The following FYB2 variants were observed in gnomAD, a reference collection of about 807,000 sequenced individuals.
FYB2 encodes FYN-binding protein 2.
Under a neutral mutation model 94.1 loss-of-function variants are expected in FYB2, and 103 were observed. The observed-to-expected ratio is 1.09, with a 90% CI of 0.93 to 1.29. The LOEUF (loss-of-function observed/expected upper bound fraction) is 1.29. Ranked by LOEUF, FYB2 falls within the 50% of genes most tolerant of loss-of-function variation. The pLI is 0.00. For synonymous variants in FYB2, 293 were observed against 287.9 expected (o/e 1.02, Z -0.18); for missense variants, 896 against 841.5 (o/e 1.06, Z -0.80).
At chr1:56,758,664 C>A in intron 6 of FYB2, 52 bp downstream of exon 6, 1 of 1,399,938 alleles carries the variant, frequency 7.1e-7, no homozygotes, top group East Asian at 2.4e-5. Flanking sequence ...TAGAATCAAC[C>A]TTGCATGCTT....
chr1:56,757,136 TG>T (rs1436423028), intron 6 of FYB2, among the ~76,000 whole-genome samples: 1 of 152,158 alleles, frequency 6.6e-6, no homozygotes, highest in Admixed American at 6.6e-5. Context: ...AATAATTGTA[TG>T]TTTTACTTAA....
rs200605296 is a variant in FYB2, at chr1:56,720,048, A to G, written c.2139T>C (p.Tyr713=). The G allele has an allele frequency of 2.5e-6, 4 of 1,601,964 alleles. No individual in the cohort carries two copies. Among genetic ancestry groups the G allele is most frequent in the Non-Finnish European group, 3.4e-6 (4 of 1,175,346 alleles). The change falls in exon 19 of 20, where the codon TAT becomes TAC. Residue 713 remains tyrosine, a synonymous_variant. Transcript: ENST00000343433. Reference sequence around the variant, plus strand: ...TGAAATCTAGATGTTCAATGAGCACATATCCATCTAATAGAAACAAAAGTC... The same window carrying G: ...TGAAATCTAGATGTTCAATGAGCACGTATCCATCTAATAGAAACAAAAGTC... ...ICRNSKGKYG[Y]VLIEHLDFKH...
intron 14 of FYB2, 189 bp from the exon 15 acceptor site, chr1:56,737,336 A>G (rs899919936): frequency 7.0e-6 from 3 of 428,524 alleles, no homozygotes; most frequent in African/African-American, 4.1e-5. Context: ...TTGGGAAGAA[A>G]TTCAACTGAA....
Position 56,768,015 on chromosome 1 carries a change from T to C in FYB2, c.954-77A>G, listed in dbSNP as rs1645667417. ...AAAGCTTTTTGTATTTTTTCCTCAT[T>C]AGAGAAATAATATGTGTGTCTGGCC... On this transcript the variant is annotated intron_variant, in intron 4 of 19. Coordinates refer to ENST00000343433, the MANE Select transcript of FYB2 (RefSeq NM_001004303.5). 6 of 1,151,832 alleles carry C rather than the reference T, an allele frequency of 5.2e-6. No individual in the cohort carries two copies. In the South Asian group the frequency reaches 8.7e-5, roughly 17 times the overall value. 71.4% of individuals were successfully genotyped at this position (1,151,832 alleles called of 1,614,324 possible).
chr1:56,723,559 C>T, intron 17 of FYB2, 29 bp downstream of exon 17: 1 of 1,345,330 alleles, frequency 7.4e-7, no homozygotes, highest in Non-Finnish European at 1.0e-6. Flanking sequence ...GTTAATATTG[C>T]TAATTTTTAC....
chr1:56,735,340 A>T (rs1644806936), intron 15 of FYB2, among the ~76,000 whole-genome samples: 1 of 152,114 alleles, frequency 6.6e-6, no homozygotes, highest in Non-Finnish European at 1.5e-5. Context: ...ACATTATGTT[A>T]AGTGAAATAA....
the FYB2 span, chr1:56,825,035 G>T: frequency 6.6e-6 from 1 of 152,264 alleles, no homozygotes; most frequent in Non-Finnish European, 1.5e-5. Flanking sequence ...TAGAGCAGAA[G>T]ATGCTACTCA....
rs906011227 is a variant in FYB2 at position 56,737,136 on chromosome 1, G to A, written c.1744C>T (p.Gln582Ter). 1 of 1,605,610 alleles carries A rather than the reference G, an allele frequency of 6.2e-7. No homozygotes were observed. The highest frequency in any genetic ancestry group is 8.5e-7 in the Non-Finnish European group (1 of 1,174,694). The change falls in exon 15 of 20, where the codon CAG becomes TAG. Residue 582 changes from glutamine to a stop codon, truncating the protein, a stop_gained. Coordinates refer to ENST00000343433, the MANE Select transcript of FYB2 (RefSeq NM_001004303.5). LOFTEE classifies it high-confidence loss of function. ...ILLPDLELKS[Q>*]EVIIYDDVDL... is the part of the protein sequence containing the mutation. ...ACATCATCATAAATAATAACTTCCT[G>A]AGACTTAAGTTCTAGGGTCAAGACA...
chr1:56,818,474 ACACACACACACACACACACACACACATG>A (rs1259182591), intron 1 of FYB2, among the ~76,000 whole-genome samples: 1 of 150,534 alleles, frequency 6.6e-6, no homozygotes, highest in African/African-American at 2.5e-5. Context: ...ACACACACAC[ACACACACACACACACACACACACACATG>A]CACACGCACA....
intron 2 of FYB2, among the ~76,000 whole-genome samples, chr1:56,791,134 G>T (rs1436567853): frequency 6.6e-6 from 1 of 152,104 alleles, no homozygotes; most frequent in Non-Finnish European, 1.5e-5. Flanking sequence ...GTTGTAAGGA[G>T]ATTCATCCAT....
At chr1:56,767,312 C>A (rs1645646962) in intron 5 of FYB2, among the ~76,000 whole-genome samples, 1 of 152,178 alleles carries the variant, frequency 6.6e-6, no homozygotes, top group Non-Finnish European at 1.5e-5. Context: ...CGAGCATTGT[C>A]AGCAATGCCA....
chr1:56,726,398 C>T, intron 16 of FYB2, 99 bp downstream of exon 16: 1 of 1,079,888 alleles, frequency 9.3e-7, no homozygotes, highest in South Asian at 1.5e-5. Context: ...GATGAAACAG[C>T]TGAGAATCAA....
At chr1:56,720,413 A>C (rs1376650090) in intron 17 of FYB2, 84 bp from the exon 18 acceptor site, 5 of 1,259,132 alleles carry the variant, frequency 4.0e-6, no homozygotes, top group Non-Finnish European at 5.4e-6. Flanking sequence ...TAATATAGTA[A>C]CTTCAAAATT....
At chr1:56,740,955 G>A (rs1644939011) in intron 12 of FYB2, among the ~76,000 whole-genome samples, 160 bp from the exon 13 acceptor site, 1 of 152,066 alleles carries the variant, frequency 6.6e-6, no homozygotes. Context: ...CCGACACTGG[G>A]GACTCCAAAA....
chr1:56,762,571 T>A (rs1299802321), intron 5 of FYB2, among the ~76,000 whole-genome samples: 1 of 152,230 alleles, frequency 6.6e-6, no homozygotes, highest in Admixed American at 6.5e-5. Context: ...TTTGTACATT[T>A]ATTTTGTATC....
rs1160662832 is a variant in FYB2 at position 56,719,528 on chromosome 1, CTCTTT to C, written c.*138_*142del. 8 of 665,762 alleles carry C rather than the reference CTCTTT, an allele frequency of 1.2e-5. No homozygotes were observed. The highest frequency in any genetic ancestry group is 2.0e-5 in the Non-Finnish European group (8 of 410,084). 41.2% of individuals were successfully genotyped at this position (665,762 alleles called of 1,614,324 possible). A position where few individuals can be genotyped will look rare whatever the true frequency, so the allele number is the denominator to read the frequency against. On this transcript the variant is annotated 3_prime_UTR_variant, in exon 20 of 20. Transcript: ENST00000343433. ...ATGTTGAGGATTTGTTTTTATTTTT[CTCTTT>C]TAAGTTCAGAACGAAAGTTTCCACA...
chr1:56,723,369 C>T (rs183742699), intron 17 of FYB2, among the ~76,000 whole-genome samples: 15 of 151,912 alleles, frequency 9.9e-5, no homozygotes, highest in African/African-American at 3.1e-4. Flanking sequence ...CCTTCAAGAA[C>T]AACTTAGGAG....
At chr1:56,785,092 G>T (rs1287452127) in intron 4 of FYB2, among the ~76,000 whole-genome samples, 1 of 152,188 alleles carries the variant, frequency 6.6e-6, no homozygotes, top group Non-Finnish European at 1.5e-5. Context: ...GGACAGAACA[G>T]TCAAAATGGC....
At chr1:56,724,111 G>A (rs1644540803) in intron 16 of FYB2, among the ~76,000 whole-genome samples, 1 of 151,194 alleles carries the variant, frequency 6.6e-6, no homozygotes, top group South Asian at 2.1e-4. Flanking sequence ...TTCACCTTCA[G>A]ACTATTTAAT....
Sources: allele counts gnomAD v4.1 joint callset (sites outside exome capture counted in the v4.1 genomes callset), GRCh38; gene constraint gnomAD v4.1.1; transcripts MANE v1.5; gene names NCBI Gene and HGNC (gene_info 2026-07-23, HGNC 2026-07-21).